MYEF2: variants seen among roughly 807,000 people sequenced by gnomAD.
MYEF2 encodes the protein myelin gene expression factor 2.
MYEF2 carries 37 observed loss-of-function variants against 75.2 expected under a neutral mutation model. That is an observed-to-expected ratio of 0.49 (90% CI 0.38 to 0.65). MYEF2 has a LOEUF of 0.65. MYEF2 is among the 30% of genes least tolerant of loss of function. The pLI is 0.00. For missense variants in MYEF2, 634 were observed against 771.4 expected, an observed-to-expected ratio of 0.82 and a Z score of 2.11; for synonymous variants, 195 against 241.6, an observed-to-expected ratio of 0.81 and a Z score of 1.79.
At chr15:48,146,193 T>A (rs1204920170) in intron 16 of MYEF2, among the ~76,000 whole-genome samples, 1 of 151,920 alleles carries the variant, frequency 6.6e-6, no homozygotes, top group Non-Finnish European at 1.5e-5. Context: ...TAAAAGACTA[T>A]GCCCATTTGA....
intron 6 of MYEF2, among the ~76,000 whole-genome samples, chr15:48,159,136 CA>C (rs763765779): frequency 6.6e-6 from 1 of 151,516 alleles, no homozygotes; most frequent in Non-Finnish European, 1.5e-5. Context: ...TTTTAATTTC[CA>C]AAATCATCTC....
At position 48,166,206 on chromosome 15, in the gene MYEF2, T is replaced by C. The variant is rs962930372; in HGVS notation, c.424-78A>G. The stretch of plus-strand genomic sequence containing the variant: ...AGTACATGAAGTTAATAATCAGTTC[T>C]AACATTTCAATCATTAAGGCAATTA... On this transcript the variant is annotated intron_variant, in intron 3 of 16. Transcript: ENST00000324324. 7 of 1,178,600 alleles carry C rather than the reference T, an allele frequency of 5.9e-6. No individual in the cohort carries two copies. The Admixed American group carries it at 7.1e-5, about 12-fold the overall frequency. The allele number at this position is 1,178,600 out of a possible 1,614,324, so 73.0% of individuals were successfully genotyped here.
At chr15:48,152,413 T>A in intron 10 of MYEF2, 129 bp from the exon 11 acceptor site, 1 of 744,468 alleles carries the variant, frequency 1.3e-6, no homozygotes, top group Non-Finnish European at 2.3e-6. Context: ...AGCGGTAGGG[T>A]ACAGGAGGCA....
Position 48,156,888 on chromosome 15 carries a change from A to G in MYEF2, c.985+1105T>C, listed in dbSNP as rs1019961064. On this transcript the variant is annotated intron_variant, in intron 9 of 16. Transcript: ENST00000324324. ...GGATGTACAAATGTGTAGTCAAATT[A>G]TTAAAACCTAAATGATAAATACTCT... Among the ~76,000 whole-genome samples the G allele has an allele frequency of 1.8e-4, 28 of 152,120 alleles. 1 individual carries two copies.
In MYEF2 at chr15:48,139,261, A is replaced by C; in HGVS notation, c.*3647T>G. The stretch of plus-strand genomic sequence containing the variant: ...TGTTCACTCAAAGTAGTCTAGCTAC[A>C]CAGCAAATTTCTTTTCAGCAAGATT... On this transcript the variant is annotated 3_prime_UTR_variant, in exon 17 of 17. Transcript: ENST00000324324. 1 of 1,126,796 alleles carries C rather than the reference A, an allele frequency of 8.9e-7. No individual in the cohort carries two copies. The highest frequency in any genetic ancestry group is 2.1e-5 in the Admixed American group (1 of 47,928). 69.8% of individuals were successfully genotyped at this position (1,126,796 alleles called of 1,614,324 possible). A position where few individuals can be genotyped will look rare whatever the true frequency, so the allele number is the denominator to read the frequency against.
chr15:48,163,162 A>T (rs2040009539), intron 5 of MYEF2, among the ~76,000 whole-genome samples: 1 of 152,206 alleles, frequency 6.6e-6, no homozygotes, highest in Admixed American at 6.5e-5. Context: ...TGTTTCAAAA[A>T]CAGGTAAAAA....
At position 48,152,301 on chromosome 15, in the gene MYEF2, A is replaced by G. The variant is rs2039519920; in HGVS notation, c.1088-17T>C. 2 of 1,588,152 alleles carry G rather than the reference A, an allele frequency of 1.3e-6. No individual in the cohort carries two copies. The highest frequency in any genetic ancestry group is 1.7e-6 in the Non-Finnish European group (2 of 1,161,928). ...TTCCCATACCTCAAATAAAATACACAGTATGTACTTTAAGTATATTTTATT... is the reference window on the plus strand; with the variant it reads ...TTCCCATACCTCAAATAAAATACACGGTATGTACTTTAAGTATATTTTATT... On this transcript the variant is annotated splice_polypyrimidine_tract_variant and intron_variant, in intron 10 of 16. Coordinates refer to ENST00000324324, the MANE Select transcript of MYEF2 (RefSeq NM_016132.5).
intron 16 of MYEF2, among the ~76,000 whole-genome samples, chr15:48,146,655 C>T (rs58382166): frequency 0.044 from 6,683 of 151,988 alleles, 345 homozygotes; most frequent in African/African-American, 0.11. Context: ...GCAAGGAGTA[C>T]TACTAGATTC....
intron 16 of MYEF2, among the ~76,000 whole-genome samples, chr15:48,146,148 G>A (rs568415706): frequency 3.6e-4 from 55 of 152,074 alleles, no homozygotes; most frequent in Non-Finnish European, 2.2e-4. Context: ...AGGCCAGAAT[G>A]CAGCTAAAGT....
At chr15:48,171,000 T>C (rs989095101) in intron 1 of MYEF2, among the ~76,000 whole-genome samples, 1 of 152,156 alleles carries the variant, frequency 6.6e-6, no homozygotes, top group Non-Finnish European at 1.5e-5. Flanking sequence ...ATCAAACATA[T>C]TCCTTCATCA....
intron 5 of MYEF2, among the ~76,000 whole-genome samples, chr15:48,161,282 G>A (rs1257204637): frequency 1.3e-5 from 2 of 151,714 alleles, no homozygotes; most frequent in African/African-American, 4.8e-5. Context: ...GCTTTTGGAG[G>A]GCCTACAATA....
In MYEF2 at chr15:48,136,478, C is replaced by T. The variant is rs1176508348; in HGVS notation, c.*6430G>A. 2.6e-6 allele frequency: 1 copy of T among 387,530 alleles called. No individual in the cohort carries two copies. The highest frequency in any genetic ancestry group is 4.0e-5 in the East Asian group (1 of 25,038). The allele number at this position is 387,530 out of a possible 1,614,324, so 24.0% of individuals were successfully genotyped here. A position where few individuals can be genotyped will look rare whatever the true frequency, so the allele number is the denominator to read the frequency against. On this transcript the variant is annotated 3_prime_UTR_variant, in exon 17 of 17. Coordinates refer to ENST00000324324, the MANE Select transcript of MYEF2 (RefSeq NM_016132.5). ...CTTGTTTTTAAAAAAAAAAAAACAA[C>T]ACAGAAGTGTCCAGCTTTTATCAAT...
At chr15:48,146,439 G>A (rs990519435) in intron 16 of MYEF2, among the ~76,000 whole-genome samples, 1 of 151,752 alleles carries the variant, frequency 6.6e-6, no homozygotes, top group Non-Finnish European at 1.5e-5. Context: ...TTCTCATCTT[G>A]TTATATTTGG....
intron 1 of MYEF2, among the ~76,000 whole-genome samples, chr15:48,177,458 C>T (rs769781188): frequency 1.1e-4 from 16 of 152,264 alleles, no homozygotes; most frequent in Admixed American, 5.9e-4. Context: ...CCACGCACAT[C>T]GCACATTTCC....
chr15:48,152,493 T>C, intron 10 of MYEF2: 1 of 456,508 alleles, frequency 2.2e-6, no homozygotes, highest in Non-Finnish European at 3.9e-6. Context: ...TGAACATTTA[T>C]CAGACAAGAA....
In MYEF2 at chr15:48,168,874, C is replaced by T. The variant is rs545408517; in HGVS notation, c.162-35G>A. ...AAAAAAAGTCAAACAAACAAAAACC[C>T]TCAGTTGTGCTTATAAGAATGGAAG... On this transcript the variant is annotated intron_variant, in intron 1 of 16. Coordinates refer to ENST00000324324, the MANE Select transcript of MYEF2 (RefSeq NM_016132.5). 1.9e-5 allele frequency: 28 copies of T among 1,476,022 alleles called. No homozygotes were observed. The East Asian group carries it at 3.9e-4, about 21-fold the overall frequency. 91.4% of individuals were successfully genotyped at this position (1,476,022 alleles called of 1,614,324 possible).
chr15:48,170,518 CTAA>C (rs2040289951), intron 1 of MYEF2, among the ~76,000 whole-genome samples: 2 of 152,278 alleles, frequency 1.3e-5, no homozygotes, highest in African/African-American at 4.8e-5. Context: ...ACAAACATTA[CTAA>C]TAATATCACT....
chr15:48,141,989 AT>A lies in MYEF2; in HGVS notation c.*918del. ...ATGAAGATTATTAATAAAACACAGT[AT>A]TGGTAAGCACATTTTAACAGTATGC... On this transcript the variant is annotated 3_prime_UTR_variant, in exon 17 of 17. Transcript: ENST00000324324. The A allele has an allele frequency of 7.0e-7, 1 of 1,423,460 alleles. No homozygotes were observed. The highest frequency in any genetic ancestry group is 1.3e-5 in the South Asian group (1 of 74,426). 88.2% of individuals were successfully genotyped at this position (1,423,460 alleles called of 1,614,324 possible).
At position 48,168,775 on chromosome 15, in the gene MYEF2, T is replaced by C. The variant is rs1330944283; in HGVS notation, c.226A>G (p.Lys76Glu). Residue 76 changes from lysine (K) to glutamate (E), a missense_variant, in exon 2 of 17, where the codon AAG becomes GAG. By Grantham distance (56) the Lys-to-Glu change is moderately conservative (BLOSUM62 1). Transcript: ENST00000324324. Reference sequence around the variant, plus strand: ...GAATAAGGATGAAATCTATTGGCCTTCTTACTTCCTGTAGATTTTTCCTTT... The same window carrying C: ...GAATAAGGATGAAATCTATTGGCCTCCTTACTTCCTGTAGATTTTTCCTTT... The part of the protein sequence containing the change: ...DLKEKSTGSK[K>E]ANRFHPYSKD... 2 of 1,613,852 alleles carry C rather than the reference T, an allele frequency of 1.2e-6. No individual in the cohort carries two copies. Among genetic ancestry groups the C allele is most frequent in the South Asian group, 1.1e-5 (1 of 91,058 alleles).
Sources: gnomAD v4.1 joint callset for allele counts (sites outside exome capture counted in the v4.1 genomes callset) on GRCh38, gnomAD v4.1.1 for gene constraint, MANE v1.5 for transcripts, NCBI Gene and HGNC (gene_info 2026-07-23, HGNC 2026-07-21) for gene names.